Variants in PPP2R2C observed in about 807,000 individuals in gnomAD.
PPP2R2C encodes protein phosphatase 2, regulatory subunit B, gamma.
A neutral mutation model predicts 45.3 loss-of-function variants in PPP2R2C; 10 were observed. The ratio of observed to expected loss-of-function variants is 0.22; its 90% CI spans 0.14 to 0.37. PPP2R2C has a LOEUF of 0.37. Ranked by LOEUF, PPP2R2C falls within the 10% of genes least tolerant of loss-of-function variation. PPP2R2C has a pLI of 1.00. For synonymous variants in PPP2R2C, 257 were observed against 245.4 expected, an observed-to-expected ratio of 1.05 and a Z score of -0.44; for missense variants, 308 against 619.7, an observed-to-expected ratio of 0.50 and a Z score of 5.34.
chr4:6,499,138 A>C (rs574199467), intron 2 of PPP2R2C, among the ~76,000 whole-genome samples: 3 of 152,234 alleles, frequency 2.0e-5, no homozygotes, highest in Middle Eastern at 3.4e-3. Flanking sequence ...AGGTGCCCTC[A>C]CTAGGCTGGG....
chr4:6,415,184 G>C (rs1231614883), intron 1 of PPP2R2C, among the ~76,000 whole-genome samples: 1 of 152,196 alleles, frequency 6.6e-6, no homozygotes, highest in Non-Finnish European at 1.5e-5. Flanking sequence ...GAATATCGGG[G>C]GGCTTTCAAA....
chr4:6,393,134 C>T (rs958610250), intron 1 of PPP2R2C, among the ~76,000 whole-genome samples: 44 of 152,116 alleles, frequency 2.9e-4, no homozygotes, highest in African/African-American at 9.4e-4. Context: ...ATTCTAGAAC[C>T]ATCACCACAG....
At chr4:6,347,789 TCCC>T in intron 6 of PPP2R2C, 54 bp downstream of exon 6, 69 of 1,033,592 alleles carry the variant, frequency 6.7e-5, no homozygotes, top group Middle Eastern at 3.0e-4. Flanking sequence ...GGACAGGACA[TCCC>T]ACCCGCCCGC....
At position 6,364,318 on chromosome 4, in the gene PPP2R2C, G is replaced by C. The variant is rs542602575; in HGVS notation, c.625+8205C>G. Among the ~76,000 whole-genome samples, 1 of 152,224 alleles carries C rather than the reference G, an allele frequency of 6.6e-6. No homozygotes were observed. The highest frequency in any genetic ancestry group is 1.5e-5 in the Non-Finnish European group (1 of 68,042). On this transcript the variant is annotated intron_variant, in intron 5 of 8. Coordinates refer to ENST00000382599, the MANE Select transcript of PPP2R2C (RefSeq NM_020416.4). This position sits in a 1 kb window ranked among gnomAD's most constrained non-coding sequence, Gnocchi z 5.3. Reference sequence around the variant, plus strand: ...GAAATATGGTGAAGAGCAGGGGGCCGGGAACGCTGAGCCCAGGGAGCAAAG... The same window carrying C: ...GAAATATGGTGAAGAGCAGGGGGCCCGGAACGCTGAGCCCAGGGAGCAAAG...
chr4:6,363,823 G>A (rs1038855433), intron 5 of PPP2R2C, among the ~76,000 whole-genome samples: 2 of 152,162 alleles, frequency 1.3e-5, no homozygotes, highest in African/African-American at 4.8e-5. Flanking sequence ...CACCAGTCCA[G>A]CCAAGAGAAG....
rs112492980 is a variant in PPP2R2C at position 6,530,519 on chromosome 4, C to T, written c.49+4752G>A. ...CCTACAATCCCCTTGTTAAGCCCTC[C>T]GTGGCTGTGGTCGCTGGACTGTCAC... is the stretch of plus-strand genomic sequence containing the variant. On this transcript the variant is annotated intron_variant, in intron 2 of 9. Coordinates refer to the PPP2R2C transcript ENST00000506140. 3.0e-3 allele frequency among the ~76,000 whole-genome samples: 453 copies of T among 151,146 alleles called. 6 individuals are homozygous for T. The highest frequency in any genetic ancestry group is 0.01 in the African/African-American group (434 of 41,474).
intron 1 of PPP2R2C, among the ~76,000 whole-genome samples, chr4:6,549,105 T>C (rs1317263587): frequency 6.6e-6 from 1 of 152,214 alleles, no homozygotes; most frequent in Non-Finnish European, 1.5e-5. Context: ...CCTCTGGAGC[T>C]AAGCCACTGG....
In PPP2R2C at chr4:6,330,840, G is replaced by C. The variant is rs1012916636; in HGVS notation, c.961-1487C>G. Among the ~76,000 whole-genome samples, 5 of 152,158 alleles carry C rather than the reference G, an allele frequency of 3.3e-5. No individual in the cohort carries two copies. Among genetic ancestry groups the C allele is most frequent in the African/African-American group, 1.2e-4 (5 of 41,430 alleles). Reference sequence around the variant, plus strand: ...ACAGGATGGTTAGACAAGGCTACCTGACTCCCGCCTGGGGCCCTGCTCATC... The same window carrying C: ...ACAGGATGGTTAGACAAGGCTACCTCACTCCCGCCTGGGGCCCTGCTCATC... On this transcript the variant is annotated intron_variant, in intron 7 of 8. Coordinates refer to ENST00000382599, the MANE Select transcript of PPP2R2C (RefSeq NM_020416.4). The surrounding 1 kb of genome is among the most constrained non-coding windows in gnomAD (Gnocchi z 7.0).
chr4:6,416,472 C>A (rs1190381511), intron 1 of PPP2R2C, among the ~76,000 whole-genome samples: 4 of 152,214 alleles, frequency 2.6e-5, no homozygotes, highest in African/African-American at 9.6e-5. Context: ...TCACCTGTGC[C>A]CCAGCTCAGC....
At chr4:6,382,799 C>T in intron 1 of PPP2R2C, 1 of 943,290 alleles carries the variant, frequency 1.1e-6, no homozygotes, top group African/African-American at 1.8e-5. Flanking sequence ...ATGACTGCCA[C>T]AGCTCTTTCT....
At chr4:6,535,399 A>G (rs2108826752) in intron 1 of PPP2R2C, 1 of 1,447,566 alleles carries the variant, frequency 6.9e-7, no homozygotes. Context: ...AAAAAAAACT[A>G]AAGTTGAGGA....
At chr4:6,354,065 C>A (rs923028933) in intron 5 of PPP2R2C, among the ~76,000 whole-genome samples, 4 of 149,630 alleles carry the variant, frequency 2.7e-5, no homozygotes, top group African/African-American at 9.9e-5. Flanking sequence ...TCCAGCCAGC[C>A]TTCAGGTCCT....
At chr4:6,371,355 T>A (rs917305532) in intron 5 of PPP2R2C, among the ~76,000 whole-genome samples, 1 of 152,162 alleles carries the variant, frequency 6.6e-6, no homozygotes, top group African/African-American at 2.4e-5. Flanking sequence ...CAAAAGCCAT[T>A]TGTTACTCTC....
At chr4:6,352,107 TC>T (rs1712618335) in intron 5 of PPP2R2C, among the ~76,000 whole-genome samples, 1 of 151,676 alleles carries the variant, frequency 6.6e-6, no homozygotes, top group Middle Eastern at 3.2e-3. Context: ...CACCATGCCC[TC>T]CCCCGTGTGT....
At chr4:6,467,028 C>T (rs1721635388) in intron 1 of PPP2R2C, among the ~76,000 whole-genome samples, 1 of 152,084 alleles carries the variant, frequency 6.6e-6, no homozygotes, top group South Asian at 2.1e-4. Context: ...ACCCAGGGCA[C>T]CAGGCAGTGC....
At chr4:6,339,320 C>G (rs903865875) in intron 6 of PPP2R2C, among the ~76,000 whole-genome samples, 1 of 152,352 alleles carries the variant, frequency 6.6e-6, no homozygotes, top group Admixed American at 6.5e-5. Flanking sequence ...CTAGCACAGA[C>G]CCTGCCTCAT....
In PPP2R2C at chr4:6,323,488, A is replaced by T. The variant is rs751968235; in HGVS notation, c.1158T>A (p.Ala386=). 6.2e-7 allele frequency: 1 copy of T among 1,609,570 alleles called. No individual in the cohort carries two copies. The highest frequency in any genetic ancestry group is 8.5e-7 in the Non-Finnish European group (1 of 1,176,214). Residue 386 remains alanine (A), a synonymous_variant, in exon 9 of 9, where the codon GCT becomes GCA. Transcript: ENST00000382599. ...EASRESSKPR[A]VLKPRRVCVG... ...CGCACACGCGCCGTGGCTTGAGCAC[A>T]GCCCGGGGCTTGCTGCTTTCCCTCG...
chr4:6,543,840 C>T (rs1246758469), intron 1 of PPP2R2C, among the ~76,000 whole-genome samples: 1 of 152,216 alleles, frequency 6.6e-6, no homozygotes, highest in African/African-American at 2.4e-5. Context: ...GATACAGCCC[C>T]AAGCAGTACT....
chr4:6,412,167 T>C (rs540203914), intron 1 of PPP2R2C, among the ~76,000 whole-genome samples: 3 of 152,202 alleles, frequency 2.0e-5, no homozygotes, highest in Non-Finnish European at 4.4e-5. Context: ...AAAGTCAGTT[T>C]TGATGGCATC....
Sources: allele counts gnomAD v4.1 joint callset (sites outside exome capture counted in the v4.1 genomes callset), GRCh38; gene constraint gnomAD v4.1.1; non-coding constraint Gnocchi (gnomAD v3.1); transcripts MANE v1.5; gene names NCBI Gene and HGNC (gene_info 2026-07-23, HGNC 2026-07-21).